The following HUNK variants were observed in gnomAD, a reference collection of about 807,000 sequenced individuals.
HUNK encodes hormonally up-regulated Neu-associated kinase, also known as hormonally up-regulated neu tumor-associated kinase.
A neutral mutation model predicts 61.0 loss-of-function variants in HUNK; 21 were observed. The observed-to-expected ratio is 0.34, with a 90% CI of 0.24 to 0.50. The LOEUF (loss-of-function observed/expected upper bound fraction) is 0.50. Ranked by LOEUF, HUNK falls within the 20% of genes least tolerant of loss-of-function variation. The pLI, the probability that HUNK is intolerant of heterozygous loss-of-function variation, is 0.98. For missense variants in HUNK, 772 were observed against 945.7 expected, an observed-to-expected ratio of 0.82 and a Z score of 2.41; for synonymous variants, 371 against 386.1, an observed-to-expected ratio of 0.96 and a Z score of 0.46.
intron 1 of HUNK, among the ~76,000 whole-genome samples, chr21:31,875,075 G>A (rs2052249956): frequency 6.6e-6 from 1 of 152,202 alleles, no homozygotes; most frequent in Admixed American, 6.5e-5. Flanking sequence ...GCTCCTTTGT[G>A]TGGTCCGTGG....
intron 5 of HUNK, among the ~76,000 whole-genome samples, chr21:31,964,284 C>T (rs2052948470): frequency 1.3e-5 from 2 of 152,152 alleles, no homozygotes; most frequent in African/African-American, 2.4e-5. Context: ...AATTTTTTAG[C>T]TTGGGAAGTG....
At chr21:31,979,489 T>C (rs2053076857) in intron 7 of HUNK, among the ~76,000 whole-genome samples, 1 of 151,012 alleles carries the variant, frequency 6.6e-6, no homozygotes, top group South Asian at 2.1e-4. Flanking sequence ...ATTGGGTTGT[T>C]TTCTGGCTAT....
chr21:31,885,437 C>T (rs534042351), intron 1 of HUNK, among the ~76,000 whole-genome samples: 16 of 152,202 alleles, frequency 1.1e-4, no homozygotes, highest in Non-Finnish European at 2.1e-4. Context: ...TCCCCTGTCA[C>T]TCTCTGCCCC....
At chr21:31,936,951 T>C (rs947708835) in intron 2 of HUNK, among the ~76,000 whole-genome samples, 1 of 152,180 alleles carries the variant, frequency 6.6e-6, no homozygotes, top group African/African-American at 2.4e-5. Context: ...GGGGCTTCCA[T>C]TCTTCCCAGG....
chr21:31,944,692 C>T (rs1164724082), intron 3 of HUNK, among the ~76,000 whole-genome samples: 2 of 152,080 alleles, frequency 1.3e-5, no homozygotes, highest in East Asian at 3.9e-4. Context: ...CATAAAAAAA[C>T]AAAAGAAGAG....
chr21:31,934,842 T>C (rs896833570), intron 2 of HUNK, among the ~76,000 whole-genome samples: 1 of 152,334 alleles, frequency 6.6e-6, no homozygotes, highest in Non-Finnish European at 1.5e-5. Flanking sequence ...CATGATTTCA[T>C]TCTTTTTTAT....
At chr21:31,962,025 A>G (rs1226814054) in intron 5 of HUNK, among the ~76,000 whole-genome samples, 1 of 152,222 alleles carries the variant, frequency 6.6e-6, no homozygotes, top group African/African-American at 2.4e-5. Flanking sequence ...TGCCCAGCCA[A>G]GGGCCCAAGG....
chr21:31,878,968 G>A (rs1259169048), intron 1 of HUNK, among the ~76,000 whole-genome samples: 1 of 152,120 alleles, frequency 6.6e-6, no homozygotes, highest in Non-Finnish European at 1.5e-5. Context: ...ATAATAAGCC[G>A]GCTTGTCACT....
chr21:31,984,990 T>C (rs1425762522), intron 8 of HUNK, among the ~76,000 whole-genome samples: 3 of 152,148 alleles, frequency 2.0e-5, no homozygotes, highest in African/African-American at 7.2e-5. Context: ...TCTTACATGG[T>C]GGCAGGCAAG....
intron 5 of HUNK, among the ~76,000 whole-genome samples, chr21:31,964,450 A>G (rs529157847): frequency 6.6e-6 from 1 of 152,318 alleles, no homozygotes; most frequent in African/African-American, 2.4e-5. Context: ...CTGATGGTTC[A>G]TGAAAGAAAG....
chr21:31,946,091 A>G lies in HUNK; in HGVS notation c.666A>G (p.Thr222=), dbSNP rs1230062899. ...TGGGTTACTCGGATCCGTTCAGCAC[A>G]CAGTGTGGCAGCCCTGCCTACGCTG... The part of the protein sequence containing the change: ...GILGYSDPFS[T]QCGSPAYAAP... Residue 222 remains threonine (T), a synonymous_variant, in exon 4 of 11, where the codon ACA becomes ACG. Coordinates refer to ENST00000270112, the MANE Select transcript of HUNK (RefSeq NM_014586.2). 2 of 1,613,488 alleles carry G rather than the reference A, an allele frequency of 1.2e-6. No homozygotes were observed. The highest frequency in any genetic ancestry group is 2.2e-5 in the East Asian group (1 of 44,876).
intron 10 of HUNK, among the ~76,000 whole-genome samples, chr21:31,997,025 C>T (rs771187753): frequency 7.2e-5 from 11 of 152,208 alleles, no homozygotes; most frequent in East Asian, 1.9e-4. Flanking sequence ...CCTTTCATTT[C>T]GGTGCCTGTG....
intron 1 of HUNK, among the ~76,000 whole-genome samples, chr21:31,911,956 C>T (rs183070230): frequency 2.6e-5 from 4 of 152,228 alleles, no homozygotes; most frequent in East Asian, 1.9e-4. Context: ...GGGCTCAGCG[C>T]GGATCCTAAA....
At chr21:31,898,481 G>T (rs1401472962) in intron 1 of HUNK, among the ~76,000 whole-genome samples, 1 of 152,136 alleles carries the variant, frequency 6.6e-6, no homozygotes, top group Admixed American at 6.5e-5. Context: ...TGGCCAGGCT[G>T]GTCTCAAACT....
At chr21:31,881,698 T>C (rs1356290976) in intron 1 of HUNK, among the ~76,000 whole-genome samples, 2 of 152,152 alleles carry the variant, frequency 1.3e-5, no homozygotes, top group Non-Finnish European at 2.9e-5. Context: ...ATAGTCCCCG[T>C]AGCAAACATT....
chr21:31,953,230 A>G (rs539197061), intron 4 of HUNK, among the ~76,000 whole-genome samples: 19 of 150,838 alleles, frequency 1.3e-4, no homozygotes, highest in Admixed American at 4.6e-4. Flanking sequence ...GACTGTTCAC[A>G]TAGGTTTCCA....
chr21:31,930,369 C>T (rs1382166060), intron 2 of HUNK, among the ~76,000 whole-genome samples: 1 of 152,230 alleles, frequency 6.6e-6, no homozygotes, highest in Non-Finnish European at 1.5e-5. Context: ...CTCAGTCCAG[C>T]CCATTCATTT....
At chr21:31,976,769 CT>C (rs398036366) in intron 7 of HUNK, among the ~76,000 whole-genome samples, 17,562 of 136,680 alleles carry the variant, frequency 0.13, 1,270 homozygotes, top group Non-Finnish European at 0.19. Flanking sequence ...ACCTGGCCCT[CT>C]TTTTTTTTTT....
intron 5 of HUNK, among the ~76,000 whole-genome samples, chr21:31,960,094 T>G (rs2123841902): frequency 6.6e-6 from 1 of 152,384 alleles, no homozygotes; most frequent in Admixed American, 6.5e-5. Flanking sequence ...TCAGAAATGT[T>G]GAAAGTGCGG....
Sources: allele counts gnomAD v4.1 joint callset (sites outside exome capture counted in the v4.1 genomes callset), GRCh38; gene constraint gnomAD v4.1.1; transcripts MANE v1.5; gene names NCBI Gene and HGNC (gene_info 2026-07-23, HGNC 2026-07-21).